BAZ1A: variants seen among roughly 807,000 people sequenced by gnomAD.
The protein encoded by BAZ1A is bromodomain adjacent to zinc finger domain protein 1A.
Under a neutral mutation model 185.2 loss-of-function variants are expected in BAZ1A, and 50 were observed. That is an observed-to-expected ratio of 0.27 (90% CI 0.22 to 0.34). The LOEUF is 0.34. BAZ1A is among the 10% of genes least tolerant of loss of function. The probability of loss-of-function intolerance (pLI) is 1.00; values close to 1 mark genes in which losing one functional copy is unlikely to be tolerated. For synonymous variants in BAZ1A, 571 were observed against 615.6 expected (o/e 0.93, Z 1.07); for missense variants, 1,356 against 1,839.9 (o/e 0.74, Z 4.81).
intron 2 of BAZ1A, among the ~76,000 whole-genome samples, chr14:34,871,422 G>A (rs1175610221): frequency 6.6e-6 from 1 of 152,230 alleles, no homozygotes; most frequent in African/African-American, 2.4e-5. Context: ...TATAGTTGAT[G>A]TGCTATTGAG....
intron 3 of BAZ1A, among the ~76,000 whole-genome samples, chr14:34,848,583 C>T (rs184446058): frequency 3.3e-5 from 5 of 152,086 alleles, no homozygotes; most frequent in Non-Finnish European, 7.4e-5. Flanking sequence ...GGCGACAGAG[C>T]GGGACTCTGT....
intron 3 of BAZ1A, among the ~76,000 whole-genome samples, chr14:34,855,804 A>G (rs757311251): frequency 6.6e-6 from 1 of 152,076 alleles, no homozygotes; most frequent in African/African-American, 2.4e-5. Flanking sequence ...GGAGGAGGCT[A>G]AGGTGGGAGG....
chr14:34,866,502 A>AAAAAAAAAAAAAAAAAAAAAAG, intron 2 of BAZ1A, among the ~76,000 whole-genome samples: 2 of 79,536 alleles, frequency 2.5e-5, no homozygotes, highest in African/African-American at 3.8e-5. Context: ...AAAAAAAAAA[A>AAAAAAAAAAAAAAAAAAAAAAG]GAAAAAAGTT....
At chr14:34,839,911 CA>C (rs1380103264) in intron 3 of BAZ1A, among the ~76,000 whole-genome samples, 3 of 94,054 alleles carry the variant, frequency 3.2e-5, no homozygotes, top group African/African-American at 1.1e-4. Flanking sequence ...AAGAAAAGAA[CA>C]ATTAAAAATT....
At chr14:34,817,553 G>C (rs532495626) in intron 4 of BAZ1A, among the ~76,000 whole-genome samples, 1 of 152,124 alleles carries the variant, frequency 6.6e-6, no homozygotes, top group African/African-American at 2.4e-5. Flanking sequence ...GCGCTGTTGC[G>C]CAACAGCCTG....
intron 7 of BAZ1A, 127 bp downstream of exon 7, chr14:34,802,727 A>C (rs1168658857): frequency 2.1e-6 from 2 of 963,684 alleles, no homozygotes; most frequent in Non-Finnish European, 3.0e-6. Context: ...ACACTTACAT[A>C]CTTTTTGGTG....
chr14:34,780,174 T>G lies in BAZ1A; in HGVS notation c.2236+12A>C, dbSNP rs1274856857. On this transcript the variant is annotated intron_variant, in intron 17 of 26. Transcript: ENST00000360310. ...AATACACAAGAATGCCCTAAAGAAA[T>G]TTCAGTATTACCCCTTCTGCCTCTT... is the stretch of plus-strand genomic sequence containing the variant. 6.2e-7 allele frequency: 1 copy of G among 1,611,878 alleles called. No homozygotes were observed. Among genetic ancestry groups the G allele is most frequent in the South Asian group, 1.1e-5 (1 of 90,490 alleles).
At chr14:34,862,560 C>T (rs2042785658) in intron 2 of BAZ1A, among the ~76,000 whole-genome samples, 1 of 151,822 alleles carries the variant, frequency 6.6e-6, no homozygotes, top group Non-Finnish European at 1.5e-5. Flanking sequence ...TCAGTCAAAA[C>T]CAGACTTTGA....
intron 21 of BAZ1A, among the ~76,000 whole-genome samples, chr14:34,768,014 T>A (rs972824666): frequency 6.6e-6 from 1 of 152,200 alleles, no homozygotes; most frequent in Non-Finnish European, 1.5e-5. Context: ...AGTACTGATA[T>A]AAGGATAGAA....
In BAZ1A at chr14:34,811,033, C is replaced by A. The variant is rs558528327; in HGVS notation, c.540G>T (p.Lys180Asn). ...ETQSCSFQNG[K>N]KKDAIDPLLF... is the part of the protein sequence containing the mutation. Reference sequence around the variant, plus strand: ...GTAAGGGATCAATTGCATCTTTTTTCTTCCTAAAAAGAAGAGGGAAAAGAC... The same window carrying A: ...GTAAGGGATCAATTGCATCTTTTTTATTCCTAAAAAGAAGAGGGAAAAGAC... Residue 180 changes from lysine (K) to asparagine (N), a missense_variant, in exon 5 of 27, where the codon AAG becomes AAT. Around this residue, in one of 7 missense-constraint regions of BAZ1A, gnomAD observed 332 missense variants for 395.3 expected, o/e 0.84. Transcript: ENST00000360310. 3.2e-6 allele frequency: 5 copies of A among 1,569,410 alleles called. No homozygotes were observed. The highest frequency in any genetic ancestry group is 2.3e-5 in the East Asian group (1 of 44,330).
chr14:34,805,878 C>T (rs1287666817), intron 6 of BAZ1A, among the ~76,000 whole-genome samples: 1 of 149,796 alleles, frequency 6.7e-6, no homozygotes, highest in African/African-American at 2.5e-5. Flanking sequence ...GAAATCTACA[C>T]ATGACTTTTT....
chr14:34,790,779 C>A (rs1259122757), intron 12 of BAZ1A, among the ~76,000 whole-genome samples: 2 of 152,160 alleles, frequency 1.3e-5, no homozygotes, highest in African/African-American at 4.8e-5. Context: ...TATATTAATA[C>A]ATAGTTCTAT....
chr14:34,771,913 C>A (rs1384272101), intron 20 of BAZ1A, among the ~76,000 whole-genome samples: 1 of 151,982 alleles, frequency 6.6e-6, no homozygotes, highest in Non-Finnish European at 1.5e-5. Flanking sequence ...GGCCTTAAAG[C>A]CTAAGTATTT....
intron 3 of BAZ1A, among the ~76,000 whole-genome samples, chr14:34,844,196 A>C: frequency 7.7e-6 from 1 of 129,956 alleles, no homozygotes; most frequent in African/African-American, 3.1e-5. Flanking sequence ...ACAGAGCGAG[A>C]CTCCGTCTCA....
At chr14:34,855,481 C>G (rs756387317) in intron 3 of BAZ1A, among the ~76,000 whole-genome samples, 22 of 152,158 alleles carry the variant, frequency 1.4e-4, no homozygotes, top group Non-Finnish European at 2.6e-4. Flanking sequence ...GCTAATTGTT[C>G]TTTCGTCAGT....
rs1566558989 is a variant in BAZ1A at position 34,783,344 on chromosome 14, TA to T, written c.1998-113del. The T allele has an allele frequency of 2.1e-5, 14 of 657,276 alleles. No individual in the cohort carries two copies. The Middle Eastern group carries it at 1.3e-3, about 62-fold the overall frequency. 40.7% of individuals were successfully genotyped at this position (657,276 alleles called of 1,614,324 possible). A position where few individuals can be genotyped will look rare whatever the true frequency, so the allele number is the denominator to read the frequency against. ...AGTACTTCAAACATTATTATAAAAC[TA>T]TAATGTAGTAATCATTCATAAGCTT... is the stretch of plus-strand genomic sequence containing the variant. On this transcript the variant is annotated intron_variant, in intron 15 of 26. Transcript: ENST00000360310.
chr14:34,861,350 A>G (rs1244956418), intron 3 of BAZ1A, among the ~76,000 whole-genome samples: 5 of 152,222 alleles, frequency 3.3e-5, no homozygotes, highest in Admixed American at 1.3e-4. Flanking sequence ...TTCAATGTTC[A>G]TATAAAAATC....
intron 4 of BAZ1A, among the ~76,000 whole-genome samples, chr14:34,819,588 T>G (rs932649942): frequency 5.3e-5 from 8 of 152,200 alleles, no homozygotes; most frequent in African/African-American, 1.9e-4. Flanking sequence ...TTTCTCCGTG[T>G]TTTTTCATGG....
At chr14:34,794,252 A>G (rs1881055300) in intron 11 of BAZ1A, among the ~76,000 whole-genome samples, 1 of 152,230 alleles carries the variant, frequency 6.6e-6, no homozygotes, top group Non-Finnish European at 1.5e-5. Flanking sequence ...CTTTCCTTAT[A>G]CTATACTCAT....
Sources: allele counts gnomAD v4.1 joint callset (sites outside exome capture counted in the v4.1 genomes callset), GRCh38; gene constraint gnomAD v4.1.1; regional missense constraint gnomAD v4.1.1; transcripts MANE v1.5; gene names NCBI Gene and HGNC (gene_info 2026-07-23, HGNC 2026-07-21).